ATP9A: variants seen among roughly 807,000 people sequenced by gnomAD.
The protein encoded by ATP9A is probable phospholipid-transporting ATPase IIA.
ATP9A carries 52 observed loss-of-function variants against 144.1 expected under a neutral mutation model. That is an observed-to-expected ratio of 0.36 (90% CI 0.29 to 0.45). ATP9A has a LOEUF of 0.45. ATP9A is among the 20% of genes least tolerant of loss of function. The pLI, the probability that ATP9A is intolerant of heterozygous loss-of-function variation, is 1.00. For synonymous variants in ATP9A, 582 were observed against 557.4 expected, an observed-to-expected ratio of 1.04 and a Z score of -0.62; for missense variants, 947 against 1,392.7, an observed-to-expected ratio of 0.68 and a Z score of 5.09.
chr20:51,655,697 G>A (rs965876676), intron 14 of ATP9A, among the ~76,000 whole-genome samples: 41 of 151,898 alleles, frequency 2.7e-4, no homozygotes, highest in Non-Finnish European at 2.9e-4. Flanking sequence ...GTAAAATAGC[G>A]CAGCCACTTT....
intron 15 of ATP9A, among the ~76,000 whole-genome samples, chr20:51,638,121 A>ATATATCTATC (rs2077302889): frequency 2.9e-5 from 3 of 103,024 alleles, no homozygotes; most frequent in African/African-American, 1.2e-4. Flanking sequence ...ATATATATAT[A>ATATATCTATC]TATCTCATAG....
intron 1 of ATP9A, among the ~76,000 whole-genome samples, chr20:51,744,262 C>T (rs762018865): frequency 3.9e-5 from 6 of 152,028 alleles, no homozygotes; most frequent in Non-Finnish European, 8.8e-5. Flanking sequence ...GCCTCCCAGG[C>T]TCAAGTGATC....
chr20:51,759,401 G>A (rs6096563), intron 1 of ATP9A, among the ~76,000 whole-genome samples: 47,441 of 152,078 alleles, frequency 0.31, 7,866 homozygotes, highest in African/African-American at 0.37. Context: ...GGCCGGGTGC[G>A]GTGGCTCATG....
intron 1 of ATP9A, among the ~76,000 whole-genome samples, chr20:51,755,456 T>G (rs1036960220): frequency 5.3e-5 from 8 of 151,910 alleles, no homozygotes; most frequent in Admixed American, 5.3e-4. Context: ...AAAAAATTTC[T>G]TATAATACCA....
chr20:51,688,375 T>C (rs939133220), intron 9 of ATP9A, among the ~76,000 whole-genome samples: 1 of 152,052 alleles, frequency 6.6e-6, no homozygotes, highest in Non-Finnish European at 1.5e-5. Flanking sequence ...GGTGGATCAC[T>C]TGAGGTCAGA....
intron 13 of ATP9A, among the ~76,000 whole-genome samples, chr20:51,659,463 A>ATTTTTTTTCATT: frequency 6.6e-6 from 1 of 151,936 alleles, no homozygotes; most frequent in Admixed American, 6.6e-5. Flanking sequence ...ATTGACATGC[A>ATTTTTTTTCATT]TTTTTTTTCA....
At chr20:51,753,777 C>T (rs1171193693) in intron 1 of ATP9A, among the ~76,000 whole-genome samples, 2 of 151,288 alleles carry the variant, frequency 1.3e-5, no homozygotes, top group Non-Finnish European at 2.9e-5. Flanking sequence ...AGCAATTCTC[C>T]TGACTCAGCC....
intron 1 of ATP9A, among the ~76,000 whole-genome samples, chr20:51,740,621 G>A (rs1389465020): frequency 8.6e-6 from 1 of 116,086 alleles, no homozygotes; most frequent in Non-Finnish European, 1.8e-5. Context: ...AGGCAGGACT[G>A]TGGTGGCACC....
At chr20:51,636,888 C>T (rs1208412854) in intron 15 of ATP9A, among the ~76,000 whole-genome samples, 4 of 152,192 alleles carry the variant, frequency 2.6e-5, no homozygotes, top group South Asian at 2.1e-4. Context: ...TCAGGAGTTC[C>T]AGACAAGCCT....
chr20:51,635,054 T>C (rs2077285287), intron 15 of ATP9A, among the ~76,000 whole-genome samples: 1 of 151,954 alleles, frequency 6.6e-6, no homozygotes, highest in Non-Finnish European at 1.5e-5. Context: ...CTGGGCCTAG[T>C]GACTTGCTTC....
chr20:51,602,748 C>T (rs551128267), intron 27 of ATP9A, among the ~76,000 whole-genome samples: 6 of 152,192 alleles, frequency 3.9e-5, no homozygotes, highest in East Asian at 1.9e-4. Context: ...AGGGTAAGGT[C>T]GAGTTTCTCT....
intron 3 of ATP9A, among the ~76,000 whole-genome samples, chr20:51,716,218 T>C (rs1470438563): frequency 6.6e-6 from 1 of 152,202 alleles, no homozygotes; most frequent in Non-Finnish European, 1.5e-5. Flanking sequence ...CACATTTATT[T>C]GGTCATCATA....
chr20:51,615,825 G>A (rs893156557), intron 22 of ATP9A, among the ~76,000 whole-genome samples: 8 of 152,010 alleles, frequency 5.3e-5, no homozygotes, highest in Admixed American at 2.6e-4. Flanking sequence ...TAGTAGAGAC[G>A]GGGTCTCACC....
intron 4 of ATP9A, among the ~76,000 whole-genome samples, chr20:51,700,455 A>C (rs2077588561): frequency 6.6e-6 from 1 of 152,134 alleles, no homozygotes; most frequent in African/African-American, 2.4e-5. Context: ...CCAGGCGACC[A>C]AGGCTGCTGT....
At position 51,613,668 on chromosome 20, in the gene ATP9A, T is replaced by A. The variant is rs374667859; in HGVS notation, c.2571+9A>T. The A allele has an allele frequency of 6.2e-7, 1 of 1,611,162 alleles. No individual in the cohort carries two copies. The stretch of plus-strand genomic sequence containing the variant: ...GGCACATGTGCAGAGGGGCCAGCTG[T>A]CCACTCACCTGCATGGTGCTGATAC... On this transcript the variant is annotated intron_variant, in intron 23 of 27. Transcript: ENST00000338821.
chr20:51,685,786 A>G (rs2077520551), intron 9 of ATP9A, among the ~76,000 whole-genome samples: 1 of 152,118 alleles, frequency 6.6e-6, no homozygotes, highest in Admixed American at 6.5e-5. Context: ...AACTAGTTAA[A>G]CCATTGTGGA....
chr20:51,656,559 A>AAAAAT (rs1393972442), intron 14 of ATP9A, among the ~76,000 whole-genome samples: 1 of 152,304 alleles, frequency 6.6e-6, no homozygotes, highest in African/African-American at 2.4e-5. Context: ...TCTCGGGGAA[A>AAAAAT]AAAATAAAAT....
intron 3 of ATP9A, among the ~76,000 whole-genome samples, chr20:51,718,895 C>T (rs1186440768): frequency 2.1e-5 from 3 of 145,614 alleles, no homozygotes; most frequent in Non-Finnish European, 4.5e-5. Flanking sequence ...TTTGGGAGGC[C>T]AAGGCAGGTG....
intron 13 of ATP9A, among the ~76,000 whole-genome samples, chr20:51,662,179 AC>A (rs2077413545): frequency 1.2e-4 from 19 of 152,232 alleles, no homozygotes; most frequent in Non-Finnish European, 5.9e-5. Context: ...CTGTGCTAGC[AC>A]AAGGTTGGAT....
Sources: allele counts gnomAD v4.1 joint callset (sites outside exome capture counted in the v4.1 genomes callset), GRCh38; gene constraint gnomAD v4.1.1; transcripts MANE v1.5; gene names NCBI Gene and HGNC (gene_info 2026-07-23, HGNC 2026-07-21).